The following MCF2 variants were observed in gnomAD, a reference collection of about 807,000 sequenced individuals.
MCF2 encodes MCF.2 cell line derived transforming sequence.
A neutral mutation model predicts 82.5 loss-of-function variants in MCF2; 44 were observed. That is an observed-to-expected ratio of 0.53 (90% CI 0.42 to 0.69). The LOEUF (loss-of-function observed/expected upper bound fraction) is 0.69. Among genes scored for constraint, MCF2 ranks in the 30% least tolerant of loss-of-function variants. The pLI, the probability that MCF2 is intolerant of heterozygous loss-of-function variation, is 0.00. For synonymous variants in MCF2, 217 were observed against 224.9 expected, an observed-to-expected ratio of 0.96 and a Z score of 0.32; for missense variants, 623 against 663.1, an observed-to-expected ratio of 0.94 and a Z score of 0.66.
At chrX:139,688,078 A>T (rs982331375) in intron 1 of MCF2, among the ~76,000 whole-genome samples, 1 of 111,921 alleles carries the variant, frequency 8.9e-6, no homozygotes, top group African/African-American at 3.2e-5. Context: ...GCAGCAAAAA[A>T]TATCAGCTAA....
chrX:139,695,742 T>C (rs920349338), intron 1 of MCF2, among the ~76,000 whole-genome samples: 5 of 112,339 alleles, frequency 4.5e-5, no homozygotes, highest in Admixed American at 2.8e-4. Flanking sequence ...CTGATTCTTA[T>C]CATGTGTTGC....
chrX:139,608,279 G>T (rs1254111149), intron 11 of MCF2, among the ~76,000 whole-genome samples: 1 of 109,711 alleles, frequency 9.1e-6, no homozygotes, highest in Non-Finnish European at 1.9e-5. Context: ...TCATAAGCTT[G>T]AATATGATAA....
intron 10 of MCF2, among the ~76,000 whole-genome samples, chrX:139,611,449 T>A (rs1351200634): frequency 8.9e-6 from 1 of 112,431 alleles, no homozygotes; most frequent in East Asian, 2.8e-4. Context: ...TCCAAACTTA[T>A]TTTTAAAGGT....
chrX:139,699,585 T>C (rs1935447915), intron 1 of MCF2, among the ~76,000 whole-genome samples: 1 of 112,283 alleles, frequency 8.9e-6, no homozygotes, highest in South Asian at 3.7e-4. Context: ...GGACATTTCA[T>C]GTAGATGGAA....
At chrX:139,700,535 A>G (rs1351123388) in intron 1 of MCF2, among the ~76,000 whole-genome samples, 1 of 111,923 alleles carries the variant, frequency 8.9e-6, no homozygotes, top group East Asian at 2.8e-4. Flanking sequence ...CACTGCCCAT[A>G]TTCAGACCAA....
At chrX:139,616,373 T>C (rs1426990364) in exon 9 of MCF2, 1 of 1,181,516 alleles carries the variant, frequency 8.5e-7, no homozygotes, top group Non-Finnish European at 1.1e-6. Flanking sequence ...AAGAAAATTT[T>C]CAATGTCTTG....
chrX:139,655,562 G>A lies in MCF2; in HGVS notation c.-44-3774C>T, dbSNP rs765283080. Among the ~76,000 whole-genome samples the A allele has an allele frequency of 3.4e-4, 38 of 111,138 alleles. 1 individual carries two copies. Among genetic ancestry groups the A allele is most frequent in the African/African-American group, 1.1e-3 (34 of 30,524 alleles). On this transcript the variant is annotated intron_variant, in intron 1 of 27. Coordinates refer to the MCF2 transcript ENST00000414978. ...ATACTTTAAGTTCTAGGGTACAAGC[G>A]CACAACGTGCAGGTTTGTTACATAT...
At chrX:139,626,656 C>T (rs761966957) in exon 5 of MCF2, 20 of 1,207,203 alleles carry the variant, frequency 1.7e-5, no homozygotes, top group South Asian at 3.5e-5. Flanking sequence ...ACTTATTTGC[C>T]GATGACATTC....
At chrX:139,613,132 G>C in intron 10 of MCF2, 84 bp downstream of exon 14, 1 of 676,982 alleles carries the variant, frequency 1.5e-6, no homozygotes, top group South Asian at 3.0e-5. Context: ...AACTGCTGCT[G>C]TTTTTAGATG....
chrX:139,652,705 C>T (rs1185510578), intron 1 of MCF2, among the ~76,000 whole-genome samples: 1 of 110,843 alleles, frequency 9.0e-6, no homozygotes, highest in Non-Finnish European at 1.9e-5. Flanking sequence ...GGTTTTAATG[C>T]CTGTGGTTTC....
At chrX:139,615,364 G>T (rs1931818362) in intron 9 of MCF2, among the ~76,000 whole-genome samples, 1 of 111,499 alleles carries the variant, frequency 9.0e-6, no homozygotes, top group African/African-American at 3.3e-5. Flanking sequence ...AAGGCATATT[G>T]CTCTTTCCTG....
intron 1 of MCF2, among the ~76,000 whole-genome samples, chrX:139,676,746 C>T (rs561219268): frequency 2.7e-5 from 3 of 112,077 alleles, no homozygotes; most frequent in South Asian, 7.5e-4. Flanking sequence ...CGATAAATGT[C>T]GGCCATTGTT....
intron 7 of MCF2, 110 bp from the exon 11 acceptor site, chrX:139,617,814 C>A (rs1932036414): frequency 5.2e-6 from 2 of 384,910 alleles, no homozygotes; most frequent in Non-Finnish European, 8.3e-6. Context: ...GGATACATTG[C>A]CAAAAATACA....
intron 6 of MCF2, among the ~76,000 whole-genome samples, chrX:139,619,997 TTGTGTGTGTGTGTG>T (rs57662065): frequency 1.1e-5 from 1 of 93,397 alleles, no homozygotes; most frequent in African/African-American, 3.8e-5. Context: ...ATATATACAT[TTGTGTGTGTGTGTG>T]TGTGTGTGTG....
At chrX:139,617,262 G>T (rs1185258493) in intron 8 of MCF2, among the ~76,000 whole-genome samples, 1 of 111,095 alleles carries the variant, frequency 9.0e-6, no homozygotes. Flanking sequence ...TAGAACAAAG[G>T]GTAAAATTTG....
At chrX:139,699,960 T>G (rs1468056286) in intron 1 of MCF2, among the ~76,000 whole-genome samples, 3 of 111,872 alleles carry the variant, frequency 2.7e-5, no homozygotes, top group Non-Finnish European at 5.6e-5. Flanking sequence ...GGCCTCTTAT[T>G]GTTGTTGAAA....
chrX:139,654,302 T>C (rs1409534021), intron 1 of MCF2, among the ~76,000 whole-genome samples: 1 of 111,722 alleles, frequency 9.0e-6, no homozygotes, highest in East Asian at 2.8e-4. Flanking sequence ...CTCACCAGCA[T>C]CTGTTATTGC....
At chrX:139,654,009 G>A (rs1934116854) in intron 1 of MCF2, among the ~76,000 whole-genome samples, 1 of 111,700 alleles carries the variant, frequency 9.0e-6, no homozygotes, top group African/African-American at 3.3e-5. Context: ...ATTCCATGGT[G>A]TATATATACC....
chrX:139,616,610 G>T (rs772044114), intron 8 of MCF2, 137 bp from the exon 12 acceptor site: 557 of 325,861 alleles, frequency 1.7e-3, no homozygotes, highest in Non-Finnish European at 2.4e-3. Context: ...AAAAAAAAAA[G>T]ATATCTGGGT....
Sources: allele counts gnomAD v4.1 joint callset (sites outside exome capture counted in the v4.1 genomes callset), GRCh38; gene constraint gnomAD v4.1.1; transcripts MANE v1.5; gene names NCBI Gene and HGNC (gene_info 2026-07-23, HGNC 2026-07-21).